The following APPBP2 variants were observed in gnomAD, a reference collection of about 807,000 sequenced individuals.
APPBP2 encodes amyloid protein-binding protein 2.
Under a neutral mutation model 76.0 loss-of-function variants are expected in APPBP2, and 15 were observed. The ratio of observed to expected loss-of-function variants is 0.20; its 90% CI spans 0.13 to 0.30. The LOEUF (loss-of-function observed/expected upper bound fraction) is 0.30, where lower values mean the gene tolerates loss of function less well. Among genes scored for constraint, APPBP2 ranks in the 10% least tolerant of loss-of-function variants. The probability of loss-of-function intolerance (pLI) is 1.00; values close to 1 mark genes in which losing one functional copy is unlikely to be tolerated. For synonymous variants in APPBP2, 222 were observed against 242.2 expected, an observed-to-expected ratio of 0.92 and a Z score of 0.77; for missense variants, 401 against 687.2, an observed-to-expected ratio of 0.58 and a Z score of 4.66.
At chr17:60,476,039 T>C (rs73990463) in intron 4 of APPBP2, among the ~76,000 whole-genome samples, 2,261 of 152,314 alleles carry the variant, frequency 0.015, 49 homozygotes, top group African/African-American at 0.05. Context: ...GCAGCAGGGT[T>C]ATAGACAACA....
rs2090317626 is a variant in APPBP2 at position 60,443,388 on chromosome 17, T to A, written c.*4193A>T. The A allele has an allele frequency of 6.6e-6, 1 of 152,666 alleles. No homozygotes were observed. 9.5% of individuals were successfully genotyped at this position (152,666 alleles called of 1,614,324 possible). ...ATTTCTATAGAAATTATTGTGGCAC[T>A]ATTAGTGGGGATTTTCACGTAAAGA... is the stretch of plus-strand genomic sequence containing the variant. On this transcript the variant is annotated 3_prime_UTR_variant, in exon 13 of 13. Coordinates refer to ENST00000083182, the MANE Select transcript of APPBP2 (RefSeq NM_006380.5).
intron 3 of APPBP2, among the ~76,000 whole-genome samples, chr17:60,494,088 C>G (rs2090753312): frequency 6.6e-6 from 1 of 152,194 alleles, no homozygotes; most frequent in Non-Finnish European, 1.5e-5. Context: ...CCACAGCCTA[C>G]AGTAAGCAGG....
At chr17:60,501,280 C>T (rs532148283) in intron 1 of APPBP2, among the ~76,000 whole-genome samples, 1 of 152,152 alleles carries the variant, frequency 6.6e-6, no homozygotes, top group East Asian at 1.9e-4. Context: ...CACCCTGTCT[C>T]TAGAATACAC....
At chr17:60,458,456 A>G (rs953354795) in intron 9 of APPBP2, among the ~76,000 whole-genome samples, 1 of 151,890 alleles carries the variant, frequency 6.6e-6, no homozygotes, top group Non-Finnish European at 1.5e-5. Context: ...CAAAACAAAA[A>G]CAAAAAAACT....
At position 60,454,377 on chromosome 17, in the gene APPBP2, A is replaced by T; in HGVS notation, c.1263T>A (p.Phe421Leu). ...TTGCAGTCTGTACATTAAATTCCCC[A>T]AAAGCTTTTTTAGCTAGTTGGAGTG... Reference protein sequence around the residue: ...LSSLQLAKKAFGEFNVQTAKH... With the variant: ...LSSLQLAKKALGEFNVQTAKH... Residue 421 changes from phenylalanine to leucine, a missense_variant, in exon 11 of 13, where the codon TTT becomes TTA. This residue lies in a region of APPBP2 where 130 missense variants were observed against 322.7 expected (regional missense o/e 0.40). Coordinates refer to ENST00000083182, the MANE Select transcript of APPBP2 (RefSeq NM_006380.5). The T allele has an allele frequency of 6.2e-7, 1 of 1,612,298 alleles. No individual in the cohort carries two copies. Among genetic ancestry groups the T allele is most frequent in the Non-Finnish European group, 8.5e-7 (1 of 1,179,080 alleles).
chr17:60,504,020 T>C (rs1050548580), intron 1 of APPBP2, among the ~76,000 whole-genome samples: 7 of 152,184 alleles, frequency 4.6e-5, no homozygotes, highest in African/African-American at 1.2e-4. Context: ...ATAGAAATGA[T>C]GGAAGATTTA....
rs565740717 is a variant in APPBP2 at position 60,504,719 on chromosome 17, G to A, written c.139-4232C>T. On this transcript the variant is annotated intron_variant, in intron 1 of 12. Coordinates refer to ENST00000083182, the MANE Select transcript of APPBP2 (RefSeq NM_006380.5). ...CTTGGGAAGCTGAGGCATAAGAATT[G>A]CACAAAGTCAGGAGGCGGAGGTTGC... Among the ~76,000 whole-genome samples, 13 of 152,278 alleles carry A rather than the reference G, an allele frequency of 8.5e-5. No homozygotes were observed. The East Asian group carries it at 2.3e-3, about 27-fold the overall frequency.
intron 12 of APPBP2, among the ~76,000 whole-genome samples, chr17:60,450,847 A>G (rs1267897322): frequency 6.6e-6 from 1 of 152,182 alleles, no homozygotes; most frequent in Non-Finnish European, 1.5e-5. Flanking sequence ...TTAGGAAACA[A>G]GCAAGAATAA....
chr17:60,505,818 G>C (rs1266436515), intron 1 of APPBP2, among the ~76,000 whole-genome samples: 2 of 150,344 alleles, frequency 1.3e-5, no homozygotes, highest in East Asian at 3.9e-4. Context: ...TGAGTAGCTG[G>C]GATTACAGGC....
At chr17:60,509,487 G>A (rs2090894671) in intron 1 of APPBP2, among the ~76,000 whole-genome samples, 1 of 152,030 alleles carries the variant, frequency 6.6e-6, no homozygotes, top group African/African-American at 2.4e-5. Context: ...TAATAGTGTG[G>A]TAGTTACTAA....
At chr17:60,481,851 T>C (rs184741958) in intron 3 of APPBP2, among the ~76,000 whole-genome samples, 10 of 152,346 alleles carry the variant, frequency 6.6e-5, no homozygotes, top group South Asian at 2.1e-4. Flanking sequence ...TTGCTGTTAA[T>C]AGAAGTATCA....
At chr17:60,479,093 T>C in intron 4 of APPBP2, 55 bp downstream of exon 4, 2 of 1,557,502 alleles carry the variant, frequency 1.3e-6, no homozygotes, top group South Asian at 2.4e-5. Context: ...GCTAAAACTA[T>C]AAAAGCCACT....
At chr17:60,521,725 A>G (rs2091011380) in intron 1 of APPBP2, among the ~76,000 whole-genome samples, 1 of 152,218 alleles carries the variant, frequency 6.6e-6, no homozygotes, top group African/African-American at 2.4e-5. Context: ...CCCCCAGGAC[A>G]GCTTTGAATG....
chr17:60,487,673 C>T (rs2090691628), intron 3 of APPBP2, among the ~76,000 whole-genome samples: 1 of 152,118 alleles, frequency 6.6e-6, no homozygotes, highest in Non-Finnish European at 1.5e-5. Context: ...CTGTTATTAC[C>T]AACCTTCTGA....
chr17:60,483,790 A>G (rs2090650654), intron 3 of APPBP2, among the ~76,000 whole-genome samples: 1 of 152,210 alleles, frequency 6.6e-6, no homozygotes, highest in African/African-American at 2.4e-5. Flanking sequence ...TGTTTTAGAC[A>G]TGAAGTCCTT....
intron 2 of APPBP2, among the ~76,000 whole-genome samples, chr17:60,495,854 T>C (rs976589656): frequency 3.9e-5 from 6 of 152,172 alleles, no homozygotes; most frequent in African/African-American, 1.4e-4. Context: ...GCAGCATTAT[T>C]CATAATAGCC....
chr17:60,452,089 T>C (rs912128015), intron 11 of APPBP2, 44 bp from the exon 12 acceptor site: 1 of 1,583,560 alleles, frequency 6.3e-7, no homozygotes, highest in East Asian at 2.2e-5. Context: ...CTTTTTCTCA[T>C]CTTAACAGTT....
intron 4 of APPBP2, among the ~76,000 whole-genome samples, chr17:60,467,203 T>C (rs1477915644): frequency 6.6e-6 from 1 of 152,120 alleles, no homozygotes; most frequent in Non-Finnish European, 1.5e-5. Context: ...TGTTCATGTA[T>C]CAAGCCAATA....
intron 2 of APPBP2, among the ~76,000 whole-genome samples, chr17:60,498,386 A>G (rs1402321023): frequency 6.6e-6 from 1 of 152,170 alleles, no homozygotes; most frequent in Non-Finnish European, 1.5e-5. Flanking sequence ...GCTGGCAAAG[A>G]CTTCTTGAGT....
Sources: gnomAD v4.1 joint callset for allele counts (sites outside exome capture counted in the v4.1 genomes callset) on GRCh38, gnomAD v4.1.1 for gene constraint, gnomAD v4.1.1 regional missense constraint, MANE v1.5 for transcripts, NCBI Gene and HGNC (gene_info 2026-07-23, HGNC 2026-07-21) for gene names.